The following ABCA7 variants were observed in gnomAD, a reference collection of about 807,000 sequenced individuals.
ABCA7 encodes the protein phospholipid-transporting ATPase ABCA7.
ABCA7 carries 261 observed loss-of-function variants against 227.6 expected under a neutral mutation model. That is an observed-to-expected ratio of 1.15 (90% CI 1.04 to 1.27). The LOEUF is 1.27. ABCA7 is among the 50% of genes most tolerant of loss of function. The pLI, the probability that ABCA7 is intolerant of heterozygous loss-of-function variation, is 0.00. For missense variants in ABCA7, 3,331 were observed against 2,924.5 expected (o/e 1.14, Z -3.21); for synonymous variants, 1,488 against 1,279.7 (o/e 1.16, Z -3.47).
chr19:1,060,207 A>ATATATATATATATATATATTTTTTTTT, intron 40 of ABCA7, among the ~76,000 whole-genome samples: 3 of 96,866 alleles, frequency 3.1e-5, no homozygotes, highest in African/African-American at 1.0e-4. Context: ...ATATATATAT[A>ATATATATATATATATATATTTTTTTTT]TTTTTTTTTC....
intron 37 of ABCA7, 76 bp downstream of exon 37, chr19:1,058,345 A>G (rs1239281350): frequency 1.3e-6 from 2 of 1,563,624 alleles, no homozygotes; most frequent in African/African-American, 2.7e-5. Context: ...AATTATACAG[A>G]GTGGAGAAAA....
rs374595976 is a variant in ABCA7 at position 1,058,269 on chromosome 19, G to C, written c.5149G>C (p.Gly1717Arg). The change falls in exon 37 of 47, where the codon GGA (glycine) becomes CGA (arginine). Residue 1717 changes from glycine to arginine, a missense_variant and splice_region_variant. By Grantham distance (125) the Gly-to-Arg change is moderately radical. Coordinates refer to ENST00000263094, the MANE Select transcript of ABCA7 (RefSeq NM_019112.4). The stretch of plus-strand genomic sequence containing the variant: ...CATGGCTGATGCCTTTGAGCGCTTG[G>C]GTGAGAACTTCCTGTCAGGTGGGGC... ...QAMADAFERLGDRQFQSPLRW... is the reference protein window; with the variant it reads ...QAMADAFERLRDRQFQSPLRW... The C allele has an allele frequency of 3.7e-6, 6 of 1,612,884 alleles. No individual in the cohort carries two copies. The highest frequency in any genetic ancestry group is 4.2e-6 in the Non-Finnish European group (5 of 1,179,826).
chr19:1,050,964 T>A lies in ABCA7; in HGVS notation c.2596T>A (p.Phe866Ile). 1 of 1,612,054 alleles carries A rather than the reference T, an allele frequency of 6.2e-7. No individual in the cohort carries two copies. The highest frequency in any genetic ancestry group is 1.1e-5 in the South Asian group (1 of 90,960). ...GLFPPSGGSAFILGHDVRSSM... is the reference protein window; with the variant it reads ...GLFPPSGGSAIILGHDVRSSM... ...CTTCCCACCCAGTGGTGGCTCTGCCTTCATCCTGGGCCACGACGTCCGCTC... is the reference window on the plus strand; with the variant it reads ...CTTCCCACCCAGTGGTGGCTCTGCCATCATCCTGGGCCACGACGTCCGCTC... Residue 866 changes from phenylalanine to isoleucine, a missense_variant, in exon 19 of 47, where the codon TTC (phenylalanine) becomes ATC (isoleucine). Physicochemically the swap from Phe to Ile is conservative, Grantham distance 21 (BLOSUM62 0). Coordinates refer to ENST00000263094, the MANE Select transcript of ABCA7 (RefSeq NM_019112.4).
At chr19:1,048,240 G>GCT (rs1483849390) in intron 16 of ABCA7, among the ~76,000 whole-genome samples, 3 of 148,882 alleles carry the variant, frequency 2.0e-5, no homozygotes, top group South Asian at 4.3e-4. Flanking sequence ...GCTCACGCCT[G>GCT]TAATCCCAGC....
Position 1,041,830 on chromosome 19 carries a change from G to C in ABCA7, c.161-1G>C. On this transcript the variant is annotated splice_acceptor_variant, in intron 3 of 46. Coordinates refer to ENST00000263094, the MANE Select transcript of ABCA7 (RefSeq NM_019112.4). LOFTEE classifies it high-confidence loss of function. The stretch of plus-strand genomic sequence containing the variant: ...CCTCAGCACCAGGCGTCTCCCCGCA[G>C]GCCACTTCCCAAACAAGCCACTGCC... 2 of 1,602,312 alleles carry C rather than the reference G, an allele frequency of 1.2e-6. No individual in the cohort carries two copies. The highest frequency in any genetic ancestry group is 1.7e-6 in the Non-Finnish European group (2 of 1,178,612).
chr19:1,064,062 C>A (rs949248251), intron 44 of ABCA7, 99 bp from the exon 45 acceptor site: 1 of 1,379,154 alleles, frequency 7.3e-7, no homozygotes, highest in Non-Finnish European at 9.7e-7. Context: ...GGGAGATGTC[C>A]ACACCAGAAG....
At position 1,054,429 on chromosome 19, in the gene ABCA7, A is replaced by T. The variant is rs1410790856; in HGVS notation, c.3726+88A>T. ...ACTCAGTGGCCTAATCCAAACCCTT[A>T]CCCCCGTGTGTATTCCCAACCCAAA... On this transcript the variant is annotated intron_variant, in intron 27 of 46. Transcript: ENST00000263094. The surrounding 1 kb of genome is among the most constrained non-coding windows in gnomAD (Gnocchi z 4.8). 6.5e-7 allele frequency: 1 copy of T among 1,548,182 alleles called. No individual in the cohort carries two copies.
intron 42 of ABCA7, among the ~76,000 whole-genome samples, chr19:1,062,877 C>T (rs1374508952): frequency 6.6e-6 from 1 of 150,902 alleles, no homozygotes; most frequent in Non-Finnish European, 1.5e-5. Context: ...AAGGCCCCAC[C>T]CCATACTCAT....
chr19:1,053,159 C>T (rs564440738), intron 23 of ABCA7, among the ~76,000 whole-genome samples, 170 bp from the exon 24 acceptor site: 121 of 152,342 alleles, frequency 7.9e-4, no homozygotes, highest in African/African-American at 2.8e-3. Flanking sequence ...CCTCAAAGTG[C>T]TGGGATTACA....
chr19:1,044,299 C>T (rs527486238), intron 10 of ABCA7, among the ~76,000 whole-genome samples: 1 of 133,008 alleles, frequency 7.5e-6, no homozygotes, highest in Non-Finnish European at 1.5e-5. Context: ...CCAGGCTGGA[C>T]TGCAGTGGCG....
chr19:1,056,115 C>G lies in ABCA7; in HGVS notation c.4288C>G (p.Gln1430Glu). The change falls in exon 32 of 47, where the codon CAA (glutamine) becomes GAA (glutamate). Residue 1430 changes from glutamine to glutamate, a missense_variant. By Grantham distance (29) the Gln-to-Glu change is conservative. Coordinates refer to ENST00000263094, the MANE Select transcript of ABCA7 (RefSeq NM_019112.4). This position sits in a 1 kb window ranked among gnomAD's most constrained non-coding sequence, Gnocchi z 4.3. ...CCGAGACCCAGGCCTGCCCTCGGGC[C>G]AAGAGTTGGGCCGCTCAGTGGAGGA... ...GGRDPGLPSG[Q>E]ELGRSVEELW... The G allele has an allele frequency of 6.2e-7, 1 of 1,608,150 alleles. No homozygotes were observed.
chr19:1,053,678 G>A (rs3752242), intron 24 of ABCA7, 110 bp from the exon 25 acceptor site: 644,394 of 1,521,290 alleles, frequency 0.42, 137,878 homozygotes, highest in South Asian at 0.45. Context: ...TGGCTCAGAT[G>A]TCCCTTGGGA....
In ABCA7 at chr19:1,055,300, G is replaced by A. The variant is rs144595576; in HGVS notation, c.4154G>A (p.Arg1385Gln). 225 of 1,604,204 alleles carry A rather than the reference G, an allele frequency of 1.4e-4. No homozygotes were observed. The African/African-American group carries it at 2.4e-3, about 17-fold the overall frequency. The change falls in exon 30 of 47, where the codon CGG (arginine) becomes CAG (glutamine). Residue 1385 changes from arginine (R) to glutamine (Q), a missense_variant. Transcript: ENST00000263094. Reference sequence around the variant, plus strand: ...GAAGTGGTTCAGAACCTGACAGGCCGGAACCTGTCTGACTTCCTGGTCAAG... The same window carrying A: ...GAAGTGGTTCAGAACCTGACAGGCCAGAACCTGTCTGACTTCCTGGTCAAG... ...SGEVVQNLTGRNLSDFLVKTY... is the reference protein window; with the variant it reads ...SGEVVQNLTGQNLSDFLVKTY...
rs771271182 is a variant in ABCA7 at position 1,046,319 on chromosome 19, G to A, written c.1535G>A (p.Arg512His). Residue 512 changes from arginine (R) to histidine (H), a missense_variant, in exon 13 of 47, where the codon CGT (arginine) becomes CAT (histidine). Transcript: ENST00000263094. ...GTGTACCTGCAAGACCTGGTGGAGC[G>A]TGCAGCCGTCCGCGTGCTCAGCGGC... Reference protein sequence around the residue: ...GFVYLQDLVERAAVRVLSGAN... With the variant: ...GFVYLQDLVEHAAVRVLSGAN... 6.9e-6 allele frequency: 11 copies of A among 1,604,000 alleles called. No individual in the cohort carries two copies. The highest frequency in any genetic ancestry group is 5.3e-5 in the African/African-American group (4 of 74,876).
intron 42 of ABCA7, 53 bp from the exon 43 acceptor site, chr19:1,063,491 G>A (rs2042821951): frequency 2.5e-6 from 4 of 1,595,814 alleles, no homozygotes; most frequent in African/African-American, 1.3e-5. Flanking sequence ...CTGTGGCCCT[G>A]CCCCATACTC....
At chr19:1,045,444 C>A in intron 12 of ABCA7, 2 of 593,018 alleles carry the variant, frequency 3.4e-6, no homozygotes, top group Non-Finnish European at 6.0e-6. Context: ...GGCCATGGGC[C>A]TGAGATAAGA....
In ABCA7 at chr19:1,050,972, G is replaced by C. The variant is rs769988733; in HGVS notation, c.2604G>C (p.Leu868=). The C allele has an allele frequency of 1.2e-6, 2 of 1,612,156 alleles. No homozygotes were observed. The highest frequency in any genetic ancestry group is 1.1e-5 in the South Asian group (1 of 90,984). The change falls in exon 19 of 47, where the codon CTG becomes CTC. Residue 868 remains leucine (L), a synonymous_variant. Transcript: ENST00000263094. ...FPPSGGSAFI[L]GHDVRSSMAA... is the part of the protein sequence containing the mutation. The stretch of plus-strand genomic sequence containing the variant: ...CCAGTGGTGGCTCTGCCTTCATCCT[G>C]GGCCACGACGTCCGCTCCAGCATGG...
In ABCA7 at chr19:1,047,582, G is replaced by GTC; in HGVS notation, c.2201_2202dup (p.Gly735LeufsTer63). On this transcript the variant is annotated frameshift_variant, in exon 16 of 47. Coordinates refer to ENST00000263094, the MANE Select transcript of ABCA7 (RefSeq NM_019112.4). LOFTEE classifies it high-confidence loss of function. ...GGCAGACGTCTTCAGCCTGGCCCAGGTCTCTGGCCTTCTGCTGCTGGACGC... is the reference window on the plus strand; with the variant it reads ...GGCAGACGTCTTCAGCCTGGCCCAGGTCTCTCTGGCCTTCTGCTGCTGGACGC... 1 of 1,603,504 alleles carries GTC rather than the reference G, an allele frequency of 6.2e-7. No homozygotes were observed. The highest frequency in any genetic ancestry group is 1.7e-4 in the Middle Eastern group (1 of 6,052).
At position 1,055,262 on chromosome 19, in the gene ABCA7, G is replaced by T; in HGVS notation, c.4116G>T (p.Val1372=). 1 of 1,603,242 alleles carries T rather than the reference G, an allele frequency of 6.2e-7. No homozygotes were observed. The highest frequency in any genetic ancestry group is 1.1e-5 in the South Asian group (1 of 89,982). ...GTGGTCCCCCTCCGCCCCAGGCAGT[G>T]ACCGGCTCTGGGGAAGTGGTTCAGA... The part of the protein sequence containing the change: ...AAGGPPPPQA[V]TGSGEVVQNL... The change falls in exon 30 of 47, where the codon GTG becomes GTT. Residue 1372 remains valine (V), a synonymous_variant. Coordinates refer to ENST00000263094, the MANE Select transcript of ABCA7 (RefSeq NM_019112.4).
Sources: gnomAD v4.1 joint callset for allele counts (sites outside exome capture counted in the v4.1 genomes callset) on GRCh38, gnomAD v4.1.1 for gene constraint, Gnocchi (gnomAD v3.1) non-coding constraint, MANE v1.5 for transcripts, NCBI Gene and HGNC (gene_info 2026-07-23, HGNC 2026-07-21) for gene names.